The following BMAL1 variants were observed in gnomAD, a reference collection of about 807,000 sequenced individuals.
BMAL1 encodes the protein basic helix-loop-helix ARNT like 1.
At chr11:13,310,455 A>C in the BMAL1 span, among the ~76,000 whole-genome samples, 1 of 152,206 alleles carries the variant, frequency 6.6e-6, no homozygotes, top group African/African-American at 2.4e-5. Flanking sequence ...CATAGGAGCA[A>C]AATCTTCATC....
chr11:13,348,072 C>T, the BMAL1 span, among the ~76,000 whole-genome samples: 2 of 152,146 alleles, frequency 1.3e-5, no homozygotes, highest in African/African-American at 4.8e-5. Flanking sequence ...GGAGCCTGGG[C>T]AGGAGCTGCT....
chr11:13,288,874 G>A, the BMAL1 span, among the ~76,000 whole-genome samples: 1 of 152,192 alleles, frequency 6.6e-6, no homozygotes, highest in Non-Finnish European at 1.5e-5. Flanking sequence ...GCTTTCAAGT[G>A]TGTGAATCTG....
chr11:13,373,995 C>A, the BMAL1 span: 1 of 1,019,800 alleles, frequency 9.8e-7, no homozygotes, highest in Non-Finnish European at 1.5e-6. Context: ...CAGCTTTGAC[C>A]TTGCTCTCAT....
the BMAL1 span, among the ~76,000 whole-genome samples, chr11:13,291,356 A>G: frequency 6.6e-6 from 1 of 152,200 alleles, no homozygotes; most frequent in East Asian, 1.9e-4. Flanking sequence ...CCATGAGTCT[A>G]GCAAAATCTC....
At chr11:13,384,625 T>C in the BMAL1 span, among the ~76,000 whole-genome samples, 1 of 152,172 alleles carries the variant, frequency 6.6e-6, no homozygotes, top group Non-Finnish European at 1.5e-5. Context: ...ATTTCCTTCA[T>C]ATACTTGAAT....
chr11:13,361,199 T>C, the BMAL1 span, among the ~76,000 whole-genome samples: 3 of 152,304 alleles, frequency 2.0e-5, no homozygotes, highest in African/African-American at 7.2e-5. Context: ...GTGCTCTCTC[T>C]GTCTTGCTAA....
chr11:13,278,282 G>C, the BMAL1 span, among the ~76,000 whole-genome samples: 1 of 152,234 alleles, frequency 6.6e-6, no homozygotes. Flanking sequence ...TACCTGGCGG[G>C]GGGAGGGGGC....
the BMAL1 span, among the ~76,000 whole-genome samples, chr11:13,367,741 A>G: frequency 6.6e-6 from 1 of 151,790 alleles, no homozygotes; most frequent in Admixed American, 6.6e-5. Flanking sequence ...TGAGAACACA[A>G]GGGAGATTAC....
chr11:13,386,858 T>C, the BMAL1 span: 2 of 1,383,566 alleles, frequency 1.4e-6, no homozygotes, highest in Non-Finnish European at 1.9e-6. Context: ...ATAGCTTTTA[T>C]GTACTGACTT....
chr11:13,382,904 C>T, the BMAL1 span, among the ~76,000 whole-genome samples: 1 of 152,144 alleles, frequency 6.6e-6, no homozygotes, highest in Non-Finnish European at 1.5e-5. Flanking sequence ...AAAAGCTGTG[C>T]TCTGCATCAT....
At chr11:13,316,342 C>CT in the BMAL1 span, among the ~76,000 whole-genome samples, 1 of 152,092 alleles carries the variant, frequency 6.6e-6, no homozygotes, top group Non-Finnish European at 1.5e-5. Context: ...TGGATGTGTG[C>CT]TTTTTTCATG....
chr11:13,330,233 C>T, the BMAL1 span, among the ~76,000 whole-genome samples: 1 of 152,148 alleles, frequency 6.6e-6, no homozygotes, highest in Non-Finnish European at 1.5e-5. Flanking sequence ...TCAAGTAGGT[C>T]CTTGCAGTAG....
the BMAL1 span, among the ~76,000 whole-genome samples, chr11:13,307,180 A>G: frequency 9.2e-5 from 14 of 152,348 alleles, no homozygotes; most frequent in African/African-American, 2.9e-4. Context: ...ACTGTTTACC[A>G]TGGCTTACTG....
At chr11:13,369,518 CAGTG>C in the BMAL1 span, 11 of 1,381,244 alleles carry the variant, frequency 8.0e-6, no homozygotes, top group African/African-American at 1.2e-4. Flanking sequence ...CATTATAAAA[CAGTG>C]AGGCAGGCAA....
At chr11:13,325,694 T>TGTGTGTGTGTGTGTGTGTGG in the BMAL1 span, among the ~76,000 whole-genome samples, 5 of 151,578 alleles carry the variant, frequency 3.3e-5, no homozygotes, top group African/African-American at 1.2e-4. Context: ...TGTGTGTGTG[T>TGTGTGTGTGTGTGTGTGTGG]GGGCTTGAAT....
At chr11:13,337,019 C>T in the BMAL1 span, among the ~76,000 whole-genome samples, 6 of 152,208 alleles carry the variant, frequency 3.9e-5, no homozygotes, top group African/African-American at 1.2e-4. Context: ...CAAAGTAACA[C>T]AACCTCATAA....
At chr11:13,381,451 GCTTT>G in the BMAL1 span, among the ~76,000 whole-genome samples, 1 of 152,178 alleles carries the variant, frequency 6.6e-6, no homozygotes, top group African/African-American at 2.4e-5. Flanking sequence ...ATCCTCAGAG[GCTTT>G]CTTCCATGTG....
chr11:13,308,450 A>G, the BMAL1 span, among the ~76,000 whole-genome samples: 4 of 152,294 alleles, frequency 2.6e-5, no homozygotes, highest in Admixed American at 6.5e-5. Flanking sequence ...TGAGATCACC[A>G]AGGGAGTGAC....
chr11:13,312,428 T>C, the BMAL1 span, among the ~76,000 whole-genome samples: 1,486 of 152,216 alleles, frequency 9.8e-3, 8 homozygotes, highest in Non-Finnish European at 0.017. Context: ...GAGGCTGTAG[T>C]GGGTGTTTCC....
Sources: allele counts gnomAD v4.1 joint callset (sites outside exome capture counted in the v4.1 genomes callset), GRCh38; gene constraint gnomAD v4.1.1; transcripts MANE v1.5; gene names NCBI Gene and HGNC (gene_info 2026-07-23, HGNC 2026-07-21).